CS: variants seen among roughly 807,000 people sequenced by gnomAD.
The protein encoded by CS is citrate synthase.
CS carries 13 observed loss-of-function variants against 61.4 expected under a neutral mutation model. The observed-to-expected ratio is 0.21, with a 90% CI of 0.14 to 0.34. The LOEUF (loss-of-function observed/expected upper bound fraction) is 0.34, where lower values mean the gene tolerates loss of function less well. Ranked by LOEUF, CS falls within the 10% of genes least tolerant of loss-of-function variation. CS has a pLI of 1.00. For missense variants in CS, 278 were observed against 573.4 expected, an observed-to-expected ratio of 0.48 and a Z score of 5.26; for synonymous variants, 159 against 215.2, an observed-to-expected ratio of 0.74 and a Z score of 2.29.
chr12:56,276,317 G>A (rs939505442), intron 6 of CS, 122 bp from the exon 7 acceptor site: 7 of 785,578 alleles, frequency 8.9e-6, no homozygotes, highest in South Asian at 1.6e-5. Context: ...GTTATATGAT[G>A]GGTTGTTATA....
intron 6 of CS, among the ~76,000 whole-genome samples, chr12:56,279,712 G>A (rs1181128618): frequency 6.6e-6 from 1 of 151,790 alleles, no homozygotes; most frequent in Non-Finnish European, 1.5e-5. Context: ...CTTGCAATCA[G>A]CTGAGATCGC....
chr12:56,278,299 T>C (rs1390870098), intron 6 of CS, among the ~76,000 whole-genome samples: 1 of 152,154 alleles, frequency 6.6e-6, no homozygotes, highest in East Asian at 1.9e-4. Context: ...CCTAATTTTT[T>C]GTATCTTTAG....
At chr12:56,295,178 CA>C (rs1873257685) in intron 1 of CS, among the ~76,000 whole-genome samples, 1 of 152,000 alleles carries the variant, frequency 6.6e-6, no homozygotes, top group Non-Finnish European at 1.5e-5. Flanking sequence ...CCTCCTACCT[CA>C]GCCTCCCAAA....
At chr12:56,296,183 G>A (rs963376209) in intron 1 of CS, among the ~76,000 whole-genome samples, 1 of 152,076 alleles carries the variant, frequency 6.6e-6, no homozygotes, top group African/African-American at 2.4e-5. Context: ...ACAGAGGGCT[G>A]GGTGCAGTGG....
At position 56,282,996 on chromosome 12, in the gene CS, A is replaced by G; in HGVS notation, c.268-5T>C. 1.2e-6 allele frequency: 2 copies of G among 1,614,026 alleles called. No individual in the cohort carries two copies. The highest frequency in any genetic ancestry group is 4.5e-5 in the East Asian group (2 of 44,878). On this transcript the variant is annotated splice_polypyrimidine_tract_variant and splice_region_variant and intron_variant, in intron 4 of 10. Transcript: ENST00000351328. ...AAAGCCTCGGAAACGGATGCCCTTGAGAGAGGAGAGAGAGAATTACAACTC... is the reference window on the plus strand; with the variant it reads ...AAAGCCTCGGAAACGGATGCCCTTGGGAGAGGAGAGAGAGAATTACAACTC...
At chr12:56,287,921 G>A (rs1007101964) in intron 1 of CS, among the ~76,000 whole-genome samples, 3 of 152,098 alleles carry the variant, frequency 2.0e-5, no homozygotes, top group African/African-American at 7.2e-5. Context: ...GCCTCTCAAA[G>A]CACTGGGATT....
rs1435474593 is a variant in CS, at chr12:56,279,969, A to AAAAAC, written c.588+2446_588+2450dup. Among the ~76,000 whole-genome samples, 7 of 151,634 alleles carry AAAAAC rather than the reference A, an allele frequency of 4.6e-5. No homozygotes were observed. The East Asian group carries it at 1.4e-3, about 30-fold the overall frequency. ...GGCAACAGAGCGAGACTCCATCTCA[A>AAAAAC]AAAACAAAACAAAACAAACAAACAA... On this transcript the variant is annotated intron_variant, in intron 6 of 10. Coordinates refer to ENST00000351328, the MANE Select transcript of CS (RefSeq NM_004077.3).
At position 56,282,486 on chromosome 12, in the gene CS, G is replaced by C. The variant is rs1565621059; in HGVS notation, c.522C>G (p.Ala174=). The change falls in exon 6 of 11, where the codon GCC becomes GCG. Residue 174 remains alanine, a synonymous_variant. Transcript: ENST00000351328. ...GGGCAAAGTTACTTTCACTGTTGAG[G>C]GCTGTAACAGCTGCACTGAGCTGAG... ...PMSQLSAAVT[A]LNSESNFARA... is the part of the protein sequence containing the mutation. 3 of 1,613,970 alleles carry C rather than the reference G, an allele frequency of 1.9e-6. No individual in the cohort carries two copies. The South Asian group carries it at 3.3e-5, about 18-fold the overall frequency.
rs1484606219 is a variant in CS, at chr12:56,275,071, G to A, written c.849C>T (p.Ser283=). The stretch of plus-strand genomic sequence containing the variant: ...CTGCTGCAAAGGACAGGTAAGGGTC[G>A]GAAAGGGCACTGCCCACCAAATGGC... ...HTSHLVGSAL[S]DPYLSFAAAM... The change falls in exon 8 of 11, where the codon TCC becomes TCT. Residue 283 remains serine, a synonymous_variant. Transcript: ENST00000351328. The A allele has an allele frequency of 3.1e-6, 5 of 1,614,160 alleles. No homozygotes were observed. Among genetic ancestry groups the A allele is most frequent in the South Asian group, 2.2e-5 (2 of 91,082 alleles).
chr12:56,289,011 T>C (rs376056066), intron 1 of CS, among the ~76,000 whole-genome samples: 15 of 152,190 alleles, frequency 9.9e-5, no homozygotes, highest in East Asian at 5.8e-4. Flanking sequence ...TCAGAGAGCA[T>C]AGACCAAGCC....
intron 6 of CS, among the ~76,000 whole-genome samples, chr12:56,277,312 A>C (rs562231746): frequency 7.3e-5 from 11 of 151,098 alleles, no homozygotes; most frequent in African/African-American, 2.7e-4. Context: ...ATCCTGGCTA[A>C]CACGGTGAAA....
At chr12:56,285,053 T>TC (rs1289700795) in intron 3 of CS, 4 of 178,552 alleles carry the variant, frequency 2.2e-5, no homozygotes, top group African/African-American at 7.2e-5. Context: ...TAAGTGATTC[T>TC]CCTGCCTCAG....
chr12:56,283,729 T>G, intron 4 of CS, 63 bp downstream of exon 4: 1 of 1,283,316 alleles, frequency 7.8e-7, no homozygotes, highest in East Asian at 2.3e-5. Flanking sequence ...ACTGGTCTAA[T>G]CCACGGTTTG....
chr12:56,292,660 G>A (rs539701787), intron 1 of CS, among the ~76,000 whole-genome samples: 33 of 149,002 alleles, frequency 2.2e-4, no homozygotes, highest in Admixed American at 1.8e-3. Flanking sequence ...CAAGGCAGGC[G>A]GATCATGATG....
chr12:56,299,678 G>C (rs931992686), intron 1 of CS: 1 of 154,844 alleles, frequency 6.5e-6, no homozygotes, highest in East Asian at 1.9e-4. Flanking sequence ...TGGAGAAATG[G>C]AAACAGGCAG....
At chr12:56,280,417 AAAAAAAAC>A (rs1344542460) in intron 6 of CS, among the ~76,000 whole-genome samples, 4 of 89,840 alleles carry the variant, frequency 4.5e-5, no homozygotes, top group Admixed American at 1.1e-4. Flanking sequence ...ACCGTCTCCC[AAAAAAAAC>A]AAAAAAAAAA....
intron 1 of CS, among the ~76,000 whole-genome samples, chr12:56,290,777 T>C (rs1873097129): frequency 6.6e-6 from 1 of 152,188 alleles, no homozygotes; most frequent in South Asian, 2.1e-4. Context: ...AGGAAAACAA[T>C]GAACTACTAT....
chr12:56,272,972 G>C lies in CS; in HGVS notation c.*112C>G. 1 of 640,386 alleles carries C rather than the reference G, an allele frequency of 1.6e-6. No individual in the cohort carries two copies. Among genetic ancestry groups the C allele is most frequent in the Non-Finnish European group, 2.8e-6 (1 of 360,544 alleles). 39.7% of individuals were successfully genotyped at this position (640,386 alleles called of 1,614,324 possible). ...TATTTTAACCTCAAACATATTATCAGTGCCTCAGATATAATTTAATCTTAA... is the reference window on the plus strand; with the variant it reads ...TATTTTAACCTCAAACATATTATCACTGCCTCAGATATAATTTAATCTTAA... On this transcript the variant is annotated 3_prime_UTR_variant, in exon 11 of 11. Transcript: ENST00000351328.
At chr12:56,299,060 C>T (rs1873396373) in intron 1 of CS, among the ~76,000 whole-genome samples, 1 of 151,320 alleles carries the variant, frequency 6.6e-6, no homozygotes, top group Admixed American at 6.6e-5. Flanking sequence ...AAAAAAATTA[C>T]ATACAGCAAG....
Sources: allele counts gnomAD v4.1 joint callset (sites outside exome capture counted in the v4.1 genomes callset), GRCh38; gene constraint gnomAD v4.1.1; transcripts MANE v1.5; gene names NCBI Gene and HGNC (gene_info 2026-07-23, HGNC 2026-07-21).